The following GRID1 variants were observed in gnomAD, a reference collection of about 807,000 sequenced individuals.
The protein encoded by GRID1 is glutamate ionotropic receptor delta type subunit 1, also known as glutamate receptor ionotropic, delta-1.
In GRID1, 28 loss-of-function variants were observed where a neutral mutation model predicts 98.0. The ratio of observed to expected loss-of-function variants is 0.29; its 90% CI spans 0.21 to 0.39. GRID1 has a LOEUF of 0.39. Ranked by LOEUF, GRID1 falls within the 10% of genes least tolerant of loss-of-function variation. The pLI is 1.00. For missense variants in GRID1, 1,111 were observed against 1,340.5 expected, an observed-to-expected ratio of 0.83 and a Z score of 2.67; for synonymous variants, 553 against 538.5, an observed-to-expected ratio of 1.03 and a Z score of -0.37.
At chr10:86,061,284 T>C (rs1002576519) in intron 4 of GRID1, among the ~76,000 whole-genome samples, 3 of 152,066 alleles carry the variant, frequency 2.0e-5, no homozygotes, top group Non-Finnish European at 4.4e-5. Context: ...CCCACTATAG[T>C]TCCACGTCTG....
intron 8 of GRID1, among the ~76,000 whole-genome samples, chr10:85,792,783 G>T (rs1477717152): frequency 2.0e-5 from 3 of 152,212 alleles, no homozygotes; most frequent in Non-Finnish European, 2.9e-5. Flanking sequence ...GACACCCAGA[G>T]TCCTGCAGGG....
chr10:85,694,734 T>C (rs1256632625), intron 12 of GRID1, among the ~76,000 whole-genome samples: 1 of 147,184 alleles, frequency 6.8e-6, no homozygotes, highest in Non-Finnish European at 1.5e-5. Flanking sequence ...TCATTTTAGT[T>C]ATAAGTGGGA....
intron 8 of GRID1, among the ~76,000 whole-genome samples, chr10:85,806,307 C>T (rs1353234167): frequency 2.0e-5 from 3 of 152,140 alleles, no homozygotes; most frequent in Middle Eastern, 6.8e-3. Flanking sequence ...ACAGTCATGC[C>T]AAGTGTTGGT....
At chr10:86,362,492 G>GCAT (rs149346143) in intron 2 of GRID1, among the ~76,000 whole-genome samples, 10 of 152,302 alleles carry the variant, frequency 6.6e-5, no homozygotes, top group African/African-American at 2.2e-4. Context: ...GGAAGCAGCA[G>GCAT]CTCCCATAAT....
chr10:85,862,040 G>A (rs1429227870), intron 6 of GRID1, among the ~76,000 whole-genome samples: 2 of 152,174 alleles, frequency 1.3e-5, no homozygotes, highest in Admixed American at 6.5e-5. Context: ...CCCAGTTGCT[G>A]TTGTCCCCTC....
intron 4 of GRID1, among the ~76,000 whole-genome samples, chr10:85,965,634 CA>C (rs1357343985): frequency 3.9e-5 from 6 of 152,108 alleles, no homozygotes; most frequent in Non-Finnish European, 8.8e-5. Flanking sequence ...CAGGGCCTGT[CA>C]GGGGGTGGGA....
chr10:85,959,022 T>A (rs865778259), intron 4 of GRID1, among the ~76,000 whole-genome samples: 10 of 152,090 alleles, frequency 6.6e-5, no homozygotes, highest in African/African-American at 2.4e-4. Context: ...AGCGGGAACT[T>A]TGTCTGCCTG....
At chr10:85,942,061 C>T (rs1009957223) in intron 4 of GRID1, among the ~76,000 whole-genome samples, 2 of 152,168 alleles carry the variant, frequency 1.3e-5, no homozygotes, top group South Asian at 4.1e-4. Context: ...AGGATCTATC[C>T]CAACTAATGG....
chr10:85,753,432 C>T (rs564912024), intron 8 of GRID1, among the ~76,000 whole-genome samples: 3 of 152,256 alleles, frequency 2.0e-5, no homozygotes, highest in African/African-American at 7.2e-5. Context: ...CTTAAGGATT[C>T]AGAGAGTTTA....
chr10:86,151,800 G>A (rs1289128861), intron 3 of GRID1, among the ~76,000 whole-genome samples: 1 of 152,184 alleles, frequency 6.6e-6, no homozygotes, highest in Non-Finnish European at 1.5e-5. Flanking sequence ...GGGACCAGCA[G>A]TGTCTCGGGA....
chr10:86,040,137 T>C (rs1352365609), intron 4 of GRID1, among the ~76,000 whole-genome samples: 1 of 152,198 alleles, frequency 6.6e-6, no homozygotes, highest in Non-Finnish European at 1.5e-5. Context: ...CCTTATACAC[T>C]GTTCATGGGA....
intron 2 of GRID1, among the ~76,000 whole-genome samples, chr10:86,305,604 C>CTT (rs1432253282): frequency 6.6e-6 from 1 of 152,174 alleles, no homozygotes; most frequent in Non-Finnish European, 1.5e-5. Context: ...AGGGCCTCTG[C>CTT]ATGCAGACAT....
intron 4 of GRID1, among the ~76,000 whole-genome samples, chr10:86,013,330 A>G (rs921212216): frequency 6.6e-6 from 1 of 152,246 alleles, no homozygotes; most frequent in African/African-American, 2.4e-5. Flanking sequence ...TTGCTTCCTC[A>G]TTAACTATTT....
chr10:85,886,413 C>A (rs563273180), intron 5 of GRID1, among the ~76,000 whole-genome samples: 43 of 152,280 alleles, frequency 2.8e-4, no homozygotes, highest in Admixed American at 1.2e-3. Context: ...AAATTTGACT[C>A]ATATTTTTCT....
rs190367548 is a variant in GRID1 at position 86,033,950 on chromosome 10, A to G, written c.726+104869T>C. On this transcript the variant is annotated intron_variant, in intron 4 of 15. Transcript: ENST00000327946. ...CCCCATTGACCCTGGGGCTGCCCCTATGGAAACTGAGGATTCTGTGTCTAC... is the reference window on the plus strand; with the variant it reads ...CCCCATTGACCCTGGGGCTGCCCCTGTGGAAACTGAGGATTCTGTGTCTAC... Among the ~76,000 whole-genome samples, 30 of 152,310 alleles carry G rather than the reference A, an allele frequency of 2.0e-4. No individual in the cohort carries two copies. The East Asian group carries it at 4.4e-3, about 23-fold the overall frequency.
chr10:86,138,882 C>T lies in GRID1; in HGVS notation c.663G>A (p.Arg221=). The T allele has an allele frequency of 1.2e-6, 2 of 1,614,200 alleles. No individual in the cohort carries two copies. The change falls in exon 4 of 16, where the codon CGG becomes CGA. Residue 221 remains arginine (R), a synonymous_variant. Transcript: ENST00000327946. ...GCAGGATGGCGCGGCGAAGCGTGTC[C>T]CGGTAGCGATTCAGCTCCTCTGTCT... ...TMKTEELNRY[R]DTLRRAILLL...
intron 8 of GRID1, among the ~76,000 whole-genome samples, chr10:85,730,855 A>ATGC (rs974990879): frequency 2.0e-4 from 31 of 152,232 alleles, no homozygotes; most frequent in South Asian, 2.1e-4. Flanking sequence ...CTCCCAGGTG[A>ATGC]TGCTGCTGCT....
chr10:86,001,533 T>G (rs1270892306), intron 4 of GRID1, among the ~76,000 whole-genome samples: 1 of 152,158 alleles, frequency 6.6e-6, no homozygotes, highest in Non-Finnish European at 1.5e-5. Flanking sequence ...CTCCTTAGAG[T>G]GCTGTTCTTC....
intron 3 of GRID1, among the ~76,000 whole-genome samples, chr10:86,184,965 G>A (rs1845708600): frequency 6.6e-6 from 1 of 152,010 alleles, no homozygotes; most frequent in Non-Finnish European, 1.5e-5. Context: ...ACCATTCTAG[G>A]TACTTTACAT....
Sources: gnomAD v4.1 joint callset for allele counts (sites outside exome capture counted in the v4.1 genomes callset) on GRCh38, gnomAD v4.1.1 for gene constraint, MANE v1.5 for transcripts, NCBI Gene and HGNC (gene_info 2026-07-23, HGNC 2026-07-21) for gene names.